The following GNB1 variants were observed in gnomAD, a reference collection of about 807,000 sequenced individuals.
GNB1 encodes G protein subunit beta 1.
Under a neutral mutation model 42.9 loss-of-function variants are expected in GNB1, and 2 were observed. The observed-to-expected ratio is 0.05, with a 90% CI of 0.02 to 0.15. GNB1 has a LOEUF of 0.15. GNB1 is among the 10% of genes least tolerant of loss of function. GNB1 has a pLI of 1.00. For synonymous variants in GNB1, 183 were observed against 174.7 expected (o/e 1.05, Z -0.38); for missense variants, 193 against 462.2 (o/e 0.42, Z 5.34).
At chr1:1,875,099 G>A (rs113527437) in intron 1 of GNB1, among the ~76,000 whole-genome samples, 2 of 152,102 alleles carry the variant, frequency 1.3e-5, no homozygotes, top group African/African-American at 4.8e-5. Flanking sequence ...GGGAATGCTC[G>A]CTTGCCCACC....
intron 1 of GNB1, among the ~76,000 whole-genome samples, chr1:1,873,400 G>C (rs1048757752): frequency 6.6e-6 from 1 of 152,250 alleles, no homozygotes; most frequent in Admixed American, 6.5e-5. Flanking sequence ...GCCCATGTGG[G>C]TGAGGGCAAT....
chr1:1,855,095 G>T (rs1648198221), intron 1 of GNB1, among the ~76,000 whole-genome samples: 1 of 151,680 alleles, frequency 6.6e-6, no homozygotes, highest in African/African-American at 2.4e-5. Flanking sequence ...GGAGGCAAAG[G>T]TTACAGTGGG....
intron 7 of GNB1, 120 bp downstream of exon 7, chr1:1,804,298 CA>C (rs939715914): frequency 1.1e-4 from 77 of 708,992 alleles, no homozygotes; most frequent in African/African-American, 1.1e-4. Flanking sequence ...GACTCCGCCT[CA>C]AAAAAAATAA....
rs2144689 is a variant in GNB1, at chr1:1,825,859, C to T, written c.-46-360G>A. On this transcript the variant is annotated intron_variant, in intron 2 of 11. Coordinates refer to ENST00000378609, the MANE Select transcript of GNB1 (RefSeq NM_002074.5). ...CAGCCCGGGCTTCACAGCAATACTCCGTCTCAAAAAAAAAAAAAAGGAAAG... is the reference window on the plus strand; with the variant it reads ...CAGCCCGGGCTTCACAGCAATACTCTGTCTCAAAAAAAAAAAAAAGGAAAG... Among the ~76,000 whole-genome samples the T allele has an allele frequency of 9.7e-3, 1,445 of 148,656 alleles. 29 individuals carry two copies. The highest frequency in any genetic ancestry group is 0.034 in the African/African-American group (1,348 of 40,156).
At chr1:1,811,762 A>C (rs181165260) in intron 5 of GNB1, among the ~76,000 whole-genome samples, 1 of 150,594 alleles carries the variant, frequency 6.6e-6, no homozygotes, top group Non-Finnish European at 1.5e-5. Context: ...AAACAAACAC[A>C]GTTAAAGGAA....
chr1:1,827,395 G>C (rs558181105), intron 2 of GNB1, among the ~76,000 whole-genome samples: 2 of 152,264 alleles, frequency 1.3e-5, no homozygotes, highest in African/African-American at 4.8e-5. Context: ...TGTTTCTAAA[G>C]GCATTATTTG....
chr1:1,873,372 G>A (rs1649356042), intron 1 of GNB1, among the ~76,000 whole-genome samples: 2 of 152,222 alleles, frequency 1.3e-5, no homozygotes, highest in Non-Finnish European at 2.9e-5. Context: ...GAGGAGATCA[G>A]AGGCACCCTG....
At chr1:1,842,528 G>A (rs920093202) in intron 1 of GNB1, among the ~76,000 whole-genome samples, 4 of 151,574 alleles carry the variant, frequency 2.6e-5, no homozygotes, top group African/African-American at 7.3e-5. Context: ...TACACAAAAA[G>A]CCACATATAT....
chr1:1,839,426 A>T (rs767753505), intron 1 of GNB1, among the ~76,000 whole-genome samples, 188 bp from the exon 2 acceptor site: 6 of 152,226 alleles, frequency 3.9e-5, no homozygotes, highest in Non-Finnish European at 7.3e-5. Flanking sequence ...GAACAAAATA[A>T]GAAATCAGAT....
chr1:1,849,073 G>A (rs1474874694), intron 1 of GNB1, among the ~76,000 whole-genome samples: 5 of 152,284 alleles, frequency 3.3e-5, no homozygotes, highest in Non-Finnish European at 5.9e-5. Flanking sequence ...GACTGGGGTG[G>A]GAGAGGGGCT....
chr1:1,879,679 T>A (rs558531535), intron 1 of GNB1, among the ~76,000 whole-genome samples: 12 of 146,900 alleles, frequency 8.2e-5, no homozygotes, highest in African/African-American at 2.5e-4. Context: ...CACTCCAGCC[T>A]GGGTGACAGA....
At chr1:1,793,174 C>T (rs1646503618) in intron 8 of GNB1, 71 bp downstream of exon 8, 1 of 878,008 alleles carries the variant, frequency 1.1e-6, no homozygotes, top group Non-Finnish European at 1.9e-6. Flanking sequence ...TTATTTCCTC[C>T]ATGTTCACAG....
intron 1 of GNB1, among the ~76,000 whole-genome samples, chr1:1,855,497 C>G (rs901516292): frequency 6.6e-6 from 1 of 151,872 alleles, no homozygotes; most frequent in Non-Finnish European, 1.5e-5. Flanking sequence ...GTCAGGAGAT[C>G]AAGACCATCC....
At chr1:1,825,669 C>T in intron 2 of GNB1, 170 bp from the exon 3 acceptor site, 1 of 465,748 alleles carries the variant, frequency 2.1e-6, no homozygotes. Flanking sequence ...TCGAGACCAT[C>T]CTGGCTAACA....
chr1:1,831,510 G>T (rs535764431), intron 2 of GNB1, among the ~76,000 whole-genome samples: 1 of 151,952 alleles, frequency 6.6e-6, no homozygotes, highest in Non-Finnish European at 1.5e-5. Flanking sequence ...GTGCAATGGC[G>T]CGATCTCGGC....
chr1:1,823,263 A>T (rs928408061), intron 3 of GNB1, among the ~76,000 whole-genome samples: 3 of 151,490 alleles, frequency 2.0e-5, no homozygotes, highest in Non-Finnish European at 2.9e-5. Context: ...AAAAAAAAAA[A>T]AAAATCTGAT....
rs569041674 is a variant in GNB1 at position 1,823,554 on chromosome 1, G to A, written c.57+1843C>T. Among the ~76,000 whole-genome samples, 107 of 152,152 alleles carry A rather than the reference G, an allele frequency of 7.0e-4. 1 individual carries two copies. The highest frequency in any genetic ancestry group is 3.3e-3 in the Admixed American group (50 of 15,276). On this transcript the variant is annotated intron_variant, in intron 3 of 11. Transcript: ENST00000378609. ...ACATTTGATTAATTTTGGTGGAGGG[G>A]ACATGTTAAACAAGTCTGATCAGAG...
At chr1:1,859,878 G>C (rs375668370) in intron 1 of GNB1, among the ~76,000 whole-genome samples, 1 of 151,056 alleles carries the variant, frequency 6.6e-6, no homozygotes, top group Non-Finnish European at 1.5e-5. Context: ...TGTAAGGAAG[G>C]GATCCATTTT....
At chr1:1,851,549 G>A (rs1273643149) in intron 1 of GNB1, among the ~76,000 whole-genome samples, 1 of 151,082 alleles carries the variant, frequency 6.6e-6, no homozygotes, top group African/African-American at 2.4e-5. Context: ...GCAAGACTGT[G>A]TCTCAAAAAT....
Sources: gnomAD v4.1 joint callset for allele counts (sites outside exome capture counted in the v4.1 genomes callset) on GRCh38, gnomAD v4.1.1 for gene constraint, MANE v1.5 for transcripts, NCBI Gene and HGNC (gene_info 2026-07-23, HGNC 2026-07-21) for gene names.